The following PSMD9 variants were observed in gnomAD, a reference collection of about 807,000 sequenced individuals.
PSMD9 encodes the protein 26S proteasome non-ATPase regulatory subunit 9.
In PSMD9, 26 loss-of-function variants were observed where a neutral mutation model predicts 25.9. The ratio of observed to expected loss-of-function variants is 1.00; its 90% CI spans 0.73 to 1.39. PSMD9 has a LOEUF of 1.39. PSMD9 is among the 40% of genes most tolerant of loss of function. PSMD9 has a pLI of 0.00. For synonymous variants in PSMD9, 110 were observed against 114.5 expected, an observed-to-expected ratio of 0.96 and a Z score of 0.25; for missense variants, 303 against 299.3, an observed-to-expected ratio of 1.01 and a Z score of -0.09.
At position 121,916,217 on chromosome 12, in the gene PSMD9, G is replaced by GCTCA. The variant is rs1231711738; in HGVS notation, c.645-66_645-63dup. The stretch of plus-strand genomic sequence containing the variant: ...GAACATTGGTGAAAAGGTCAGAAGG[G>GCTCA]CTCAGCCTCTGACCTTCCTGAAGGG... On this transcript the variant is annotated intron_variant, in intron 5 of 5. Transcript: ENST00000541212. 2.5e-6 allele frequency: 4 copies of GCTCA among 1,573,736 alleles called. No individual in the cohort carries two copies. In the East Asian group the frequency reaches 6.7e-5, roughly 26 times the overall value.
chr12:121,901,663 C>CTT (rs1376133221), intron 3 of PSMD9, among the ~76,000 whole-genome samples: 33 of 113,864 alleles, frequency 2.9e-4, no homozygotes, highest in African/African-American at 1.3e-3. Context: ...CCCTTCATTC[C>CTT]TTCTTTTTTT....
At chr12:121,903,436 G>T (rs1205877196) in intron 4 of PSMD9, among the ~76,000 whole-genome samples, 3 of 152,128 alleles carry the variant, frequency 2.0e-5, no homozygotes, top group Non-Finnish European at 4.4e-5. Context: ...TGGTGGTTAG[G>T]ATTTCAACAT....
In PSMD9 at chr12:121,894,424, T is replaced by G; in HGVS notation, c.139-315T>G. The G allele has an allele frequency of 1.5e-5, 4 of 258,546 alleles. 1 individual carries two copies. The South Asian group carries it at 1.7e-4, about 11-fold the overall frequency. The allele number at this position is 258,546 out of a possible 1,614,324, so 16.0% of individuals were successfully genotyped here. ...TCAGCCACCTGTGGGAAGGAGGGTG[T>G]GAAGGAGTGGAGGAAGAGGCTGGCC... On this transcript the variant is annotated intron_variant, in intron 1 of 5. Transcript: ENST00000541212.
chr12:121,906,988 A>C (rs1879579240), intron 4 of PSMD9, among the ~76,000 whole-genome samples: 1 of 151,872 alleles, frequency 6.6e-6, no homozygotes, highest in Non-Finnish European at 1.5e-5. Context: ...AAAACCAAAA[A>C]ACTCACAGTG....
At chr12:121,896,854 G>T (rs1269055957) in intron 2 of PSMD9, among the ~76,000 whole-genome samples, 1 of 141,236 alleles carries the variant, frequency 7.1e-6, no homozygotes, top group Non-Finnish European at 1.5e-5. Flanking sequence ...AAAAAAAAAA[G>T]AAAAGAAAAA....
Position 121,900,860 on chromosome 12 carries a change from C to T in PSMD9, c.453+1015C>T, listed in dbSNP as rs1035690015. On this transcript the variant is annotated intron_variant, in intron 3 of 5. Coordinates refer to ENST00000541212, the MANE Select transcript of PSMD9 (RefSeq NM_002813.7). The stretch of plus-strand genomic sequence containing the variant: ...ATTAGCCGGGTGTGGTGACATGTGC[C>T]TGTAATCCCAGCTACTCGGGAGGCT... 2.0e-5 allele frequency among the ~76,000 whole-genome samples: 3 copies of T among 151,886 alleles called. No individual in the cohort carries two copies. The South Asian group carries it at 6.2e-4, about 32-fold the overall frequency.
intron 1 of PSMD9, 139 bp downstream of exon 1, chr12:121,889,133 C>T (rs1313040618): frequency 9.3e-7 from 1 of 1,077,276 alleles, no homozygotes; most frequent in Non-Finnish European, 1.3e-6. Context: ...AGTGCGGCCT[C>T]TGTCGGCACA....
chr12:121,892,422 C>A (rs760526589), intron 1 of PSMD9, among the ~76,000 whole-genome samples: 1 of 151,866 alleles, frequency 6.6e-6, no homozygotes, highest in East Asian at 1.9e-4. Flanking sequence ...AATTAAAGGC[C>A]GGGCATGGTG....
intron 1 of PSMD9, among the ~76,000 whole-genome samples, chr12:121,892,185 T>A (rs540374915): frequency 6.6e-6 from 1 of 152,226 alleles, no homozygotes; most frequent in Non-Finnish European, 1.5e-5. Flanking sequence ...TAAGAGCTCT[T>A]ACAACTCAAT....
Position 121,898,542 on chromosome 12 carries a change from C to CT in PSMD9, c.242-1075dup, listed in dbSNP as rs370294954. Reference sequence around the variant, plus strand: ...CCAGGATTACTAGGCTTATGCAGCACTTTTTTTTTTTTTTTTTGAGACGAA... The same window carrying CT: ...CCAGGATTACTAGGCTTATGCAGCACTTTTTTTTTTTTTTTTTTGAGACGAA... On this transcript the variant is annotated intron_variant, in intron 2 of 5. Coordinates refer to ENST00000541212, the MANE Select transcript of PSMD9 (RefSeq NM_002813.7). The CT allele has an allele frequency of 4.0e-3, 563 of 139,656 alleles. 4 individuals carry two copies. Among genetic ancestry groups the CT allele is most frequent in the African/African-American group, 6.0e-3 (230 of 38,348 alleles). 8.7% of individuals were successfully genotyped at this position (139,656 alleles called of 1,614,324 possible).
intron 4 of PSMD9, chr12:121,914,746 CAGG>C (rs1565896711): frequency 6.6e-6 from 1 of 152,020 alleles, no homozygotes; most frequent in African/African-American, 2.4e-5. Context: ...CCCAGCTACT[CAGG>C]AGGCTGAGGC....
chr12:121,906,396 A>G (rs1795967), intron 4 of PSMD9, among the ~76,000 whole-genome samples: 133,831 of 152,050 alleles, frequency 0.88, 59,163 homozygotes, highest in African/African-American at 0.96. Flanking sequence ...CTTGCATAGC[A>G]CAGTGGCTCA....
chr12:121,904,639 T>TTTTTTATTATTATTATTATTA (rs371794929), intron 4 of PSMD9, among the ~76,000 whole-genome samples: 68 of 138,944 alleles, frequency 4.9e-4, no homozygotes, highest in African/African-American at 1.7e-3. Context: ...CCATCTGAAA[T>TTTTTTATTATTATTATTATTA]TTATTATTAT....
intron 3 of PSMD9, among the ~76,000 whole-genome samples, chr12:121,900,272 G>T (rs894289829): frequency 1.3e-5 from 2 of 152,172 alleles, no homozygotes; most frequent in Non-Finnish European, 2.9e-5. Flanking sequence ...ACTTGAGAAG[G>T]CTGAGGCGAC....
At chr12:121,896,478 AAAAG>A (rs765615862) in intron 2 of PSMD9, among the ~76,000 whole-genome samples, 2 of 151,922 alleles carry the variant, frequency 1.3e-5, no homozygotes, top group African/African-American at 4.8e-5. Context: ...TGTCTCAAAA[AAAAG>A]AAAGAAAATC....
chr12:121,895,875 A>G (rs1879214142), intron 2 of PSMD9, among the ~76,000 whole-genome samples: 2 of 152,320 alleles, frequency 1.3e-5, no homozygotes, highest in South Asian at 4.1e-4. Flanking sequence ...GTTGGGGGCC[A>G]TTATCCACTC....
At position 121,915,911 on chromosome 12, in the gene PSMD9, T is replaced by C. The variant is rs544083479; in HGVS notation, c.611T>C (p.Val204Ala). Residue 204 changes from valine to alanine, a missense_variant, in exon 5 of 6, where the codon GTT becomes GCT. Transcript: ENST00000541212. The part of the protein sequence containing the change: ...RRGEKHQLRL[V>A]PTRWAGKGLL... ...GGGGAAAAACACCAGCTTAGACTTG[T>C]TCCAACACGCTGGGCAGGAAAAGGA... The C allele has an allele frequency of 6.8e-6, 11 of 1,613,988 alleles. No individual in the cohort carries two copies. Among genetic ancestry groups the C allele is most frequent in the African/African-American group, 4.0e-5 (3 of 75,052 alleles).
intron 4 of PSMD9, among the ~76,000 whole-genome samples, chr12:121,912,777 A>G (rs1422262514): frequency 6.7e-6 from 1 of 150,358 alleles, no homozygotes; most frequent in Non-Finnish European, 1.5e-5. Context: ...GAGGCAGGAG[A>G]ATCGCTTGAG....
chr12:121,892,491 G>C (rs1879113671), intron 1 of PSMD9, among the ~76,000 whole-genome samples: 1 of 152,136 alleles, frequency 6.6e-6, no homozygotes. Context: ...ACGAGGTCAG[G>C]AGATCGAGAC....
Sources: gnomAD v4.1 joint callset for allele counts (sites outside exome capture counted in the v4.1 genomes callset) on GRCh38, gnomAD v4.1.1 for gene constraint, MANE v1.5 for transcripts, NCBI Gene and HGNC (gene_info 2026-07-23, HGNC 2026-07-21) for gene names.